Variants in CCDC61 observed in about 807,000 individuals in gnomAD.
The protein encoded by CCDC61 is centrosomal protein CCDC61.
In CCDC61, 55 loss-of-function variants were observed where a neutral mutation model predicts 63.0. That is an observed-to-expected ratio of 0.87 (90% confidence interval 0.70 to 1.09). The LOEUF (loss-of-function observed/expected upper bound fraction) is 1.09, where lower values mean the gene tolerates loss of function less well. Among genes scored for constraint, CCDC61 ranks in the 50% least tolerant of loss-of-function variants. The probability of loss-of-function intolerance (pLI) is 0.00; values close to 1 mark genes in which losing one functional copy is unlikely to be tolerated. For synonymous variants in CCDC61, 270 were observed against 317.0 expected, an observed-to-expected ratio of 0.85 and a Z score of 1.58; for missense variants, 651 against 731.4, an observed-to-expected ratio of 0.89 and a Z score of 1.27.
chr19:46,005,573 C>T (rs1968690340), intron 3 of CCDC61, among the ~76,000 whole-genome samples: 1 of 151,966 alleles, frequency 6.6e-6, no homozygotes, highest in Non-Finnish European at 1.5e-5. Flanking sequence ...TCACCGATTT[C>T]CCCAGGAAAG....
At chr19:46,010,503 CAGG>C (rs903506890) in intron 5 of CCDC61, among the ~76,000 whole-genome samples, 3 of 152,204 alleles carry the variant, frequency 2.0e-5, no homozygotes, top group Admixed American at 6.5e-5. Flanking sequence ...TCGTTCTTGC[CAGG>C]AGAAGAGGGA....
At chr19:45,996,064 C>T (rs544674682) in intron 1 of CCDC61, among the ~76,000 whole-genome samples, 1 of 152,308 alleles carries the variant, frequency 6.6e-6, no homozygotes, top group South Asian at 2.1e-4. Context: ...GCTCTGGCGT[C>T]GGGTTGAATC....
Position 46,016,750 on chromosome 19 carries a change from C to A in CCDC61, c.1148C>A (p.Ser383Tyr). 6.3e-7 allele frequency: 1 copy of A among 1,599,048 alleles called. No individual in the cohort carries two copies. The highest frequency in any genetic ancestry group is 1.1e-5 in the South Asian group (1 of 88,550). Residue 383 changes from serine (S) to tyrosine (Y), a missense_variant, in exon 10 of 14, where the codon TCC (serine) becomes TAC (tyrosine). Transcript: ENST00000595358. This position sits in a 1 kb window ranked among gnomAD's most constrained non-coding sequence, Gnocchi z 7.2. The stretch of plus-strand genomic sequence containing the variant: ...GGAAGCGGGGACGGTCCGTCCGTCT[C>A]CTGGTCTCGCCAGACCCAGCCCCCT... Reference protein sequence around the residue: ...SGGSGDGPSVSWSRQTQPPAA... With the variant: ...SGGSGDGPSVYWSRQTQPPAA...
intron 1 of CCDC61, among the ~76,000 whole-genome samples, chr19:45,997,155 T>C (rs1968508729): frequency 6.6e-6 from 1 of 152,148 alleles, no homozygotes; most frequent in Admixed American, 6.6e-5. Context: ...TTGTACTCGC[T>C]GTCCCTGAAC....
rs775329854 is a variant in CCDC61, at chr19:46,008,211, C to T, written c.461C>T (p.Ser154Leu). The T allele has an allele frequency of 4.3e-6, 7 of 1,613,046 alleles. No homozygotes were observed. In the South Asian group the frequency reaches 7.7e-5, roughly 18 times the overall value. The part of the protein sequence containing the change: ...DPVVLQGIIR[S>L]LKEELGRLQG... ...GTGGTTCTGCAGGGCATCATCCGGT[C>T]ACTGAAGGAGGAACTGGGCCGCCTG... Residue 154 changes from serine (S) to leucine (L), a missense_variant, in exon 5 of 14, where the codon TCA (serine) becomes TTA (leucine). Transcript: ENST00000595358.
chr19:46,014,936 T>G, intron 5 of CCDC61, 113 bp from the exon 6 acceptor site: 8 of 889,548 alleles, frequency 9.0e-6, no homozygotes, highest in South Asian at 1.8e-5. Context: ...TTGAGACTGA[T>G]GAGCCGTGTA....
rs1968914739 is a variant in CCDC61 at position 46,015,536 on chromosome 19, G to GGGCGGGGCTGAAGGGGA, written c.845+119_845+135dup. The GGGCGGGGCTGAAGGGGA allele has an allele frequency of 1.4e-6, 1 of 740,436 alleles. No individual in the cohort carries two copies. Among genetic ancestry groups the GGGCGGGGCTGAAGGGGA allele is most frequent in the African/African-American group, 1.8e-5 (1 of 55,116 alleles). The allele number at this position is 740,436 out of a possible 1,614,324, so 45.9% of individuals were successfully genotyped here. Reference sequence around the variant, plus strand: ...GGGGCGGGGCCAGGTAGGGTGGAGGGGGCGGGGCTGAAGGGGAGGCGGGGC... The same window carrying GGGCGGGGCTGAAGGGGA: ...GGGGCGGGGCCAGGTAGGGTGGAGGGGGCGGGGCTGAAGGGGAGGCGGGGCTGAAGGGGAGGCGGGGC... On this transcript the variant is annotated intron_variant, in intron 7 of 13. Coordinates refer to ENST00000595358, the MANE Select transcript of CCDC61 (RefSeq NM_001267723.2). The surrounding 1 kb of genome is among the most constrained non-coding windows in gnomAD (Gnocchi z 5.3).
At chr19:45,996,951 A>C (rs34940607) in intron 1 of CCDC61, among the ~76,000 whole-genome samples, 4 of 151,740 alleles carry the variant, frequency 2.6e-5, no homozygotes, top group African/African-American at 9.7e-5. Context: ...TCTCCTTTCA[A>C]ACCCTCTCCT....
chr19:46,014,779 C>T (rs761056114), intron 5 of CCDC61, among the ~76,000 whole-genome samples: 1 of 152,160 alleles, frequency 6.6e-6, no homozygotes, highest in African/African-American at 2.4e-5. Context: ...ACTCCTTCAC[C>T]CGCACCAGGG....
At chr19:46,001,471 T>G (rs1968590583) in intron 1 of CCDC61, among the ~76,000 whole-genome samples, 1 of 152,106 alleles carries the variant, frequency 6.6e-6, no homozygotes, top group Non-Finnish European at 1.5e-5. Context: ...TGATCCACCC[T>G]CCTCGGCCTC....
rs1277927735 is a variant in CCDC61, at chr19:46,018,276, AC to A, written c.1442-12del. The A allele has an allele frequency of 6.4e-7, 1 of 1,560,378 alleles. No homozygotes were observed. Among genetic ancestry groups the A allele is most frequent in the African/African-American group, 1.4e-5 (1 of 73,316 alleles). On this transcript the variant is annotated splice_polypyrimidine_tract_variant and intron_variant, in intron 13 of 13. Transcript: ENST00000595358. This position sits in a 1 kb window ranked among gnomAD's most constrained non-coding sequence, Gnocchi z 4.2. ...GGCCCCTCACAGCCCCCATACCCAC[AC>A]CTGCTCTCACAGAGTACAGCTCGGA... is the stretch of plus-strand genomic sequence containing the variant.
chr19:46,008,672 G>C (rs1968765858), intron 5 of CCDC61, among the ~76,000 whole-genome samples: 1 of 152,216 alleles, frequency 6.6e-6, no homozygotes, highest in African/African-American at 2.4e-5. Flanking sequence ...GCCTCCCAAA[G>C]TGCTGGGATT....
In CCDC61 at chr19:46,016,533, C is replaced by G; in HGVS notation, c.1091+140C>G. On this transcript the variant is annotated intron_variant, in intron 9 of 13. Coordinates refer to ENST00000595358, the MANE Select transcript of CCDC61 (RefSeq NM_001267723.2). This position sits in a 1 kb window ranked among gnomAD's most constrained non-coding sequence, Gnocchi z 7.2. Reference sequence around the variant, plus strand: ...CCGGATACCCCGCCTGCTCTCCCTTCCGTCCGTCCTACCTCCTCGTCTGTG... The same window carrying G: ...CCGGATACCCCGCCTGCTCTCCCTTGCGTCCGTCCTACCTCCTCGTCTGTG... 1 of 1,370,902 alleles carries G rather than the reference C, an allele frequency of 7.3e-7. No homozygotes were observed. Among genetic ancestry groups the G allele is most frequent in the Non-Finnish European group, 1.0e-6 (1 of 993,414 alleles). 84.9% of individuals were successfully genotyped at this position (1,370,902 alleles called of 1,614,324 possible).
intron 4 of CCDC61, among the ~76,000 whole-genome samples, chr19:46,007,552 A>G (rs1308310631): frequency 9.2e-5 from 14 of 152,198 alleles, no homozygotes; most frequent in Admixed American, 9.2e-4. Flanking sequence ...AGGTGGTCAC[A>G]TGCAAGGGAT....
chr19:46,008,544 G>A lies in CCDC61; in HGVS notation c.551+243G>A, dbSNP rs1443026280. Reference sequence around the variant, plus strand: ...CTGTCTCAGCCTCCCAAGTAGCTGGGATTACAGGCACGCGCCACCATGTCC... The same window carrying A: ...CTGTCTCAGCCTCCCAAGTAGCTGGAATTACAGGCACGCGCCACCATGTCC... On this transcript the variant is annotated intron_variant, in intron 5 of 13. Coordinates refer to ENST00000595358, the MANE Select transcript of CCDC61 (RefSeq NM_001267723.2). Among the ~76,000 whole-genome samples the A allele has an allele frequency of 4.6e-5, 7 of 152,316 alleles. 1 individual carries two copies. The highest frequency in any genetic ancestry group is 6.8e-3 in the Middle Eastern group (2 of 294).
At chr19:46,001,056 C>T (rs1332942827) in intron 1 of CCDC61, among the ~76,000 whole-genome samples, 2 of 150,872 alleles carry the variant, frequency 1.3e-5, no homozygotes, top group Non-Finnish European at 3.0e-5. Context: ...GCCTTGGTAA[C>T]CCGGACGGTG....
intron 1 of CCDC61, among the ~76,000 whole-genome samples, chr19:46,001,018 G>C (rs913318899): frequency 4.6e-5 from 7 of 151,582 alleles, no homozygotes; most frequent in Non-Finnish European, 1.0e-4. Flanking sequence ...CGGCTCCTCA[G>C]GTGTTCAGTT....
At chr19:46,003,286 G>C (rs1002632156) in intron 2 of CCDC61, 120 bp downstream of exon 2, 1 of 1,431,758 alleles carries the variant, frequency 7.0e-7, no homozygotes, top group Non-Finnish European at 9.5e-7. Context: ...AAACTCTCCA[G>C]TGTGGGGAGG....
chr19:46,004,543 C>T (rs1246796918), intron 3 of CCDC61, among the ~76,000 whole-genome samples: 1 of 152,184 alleles, frequency 6.6e-6, no homozygotes. Context: ...CAACTCACTG[C>T]AATCTCTGCC....
Sources: gnomAD v4.1 joint callset for allele counts (sites outside exome capture counted in the v4.1 genomes callset) on GRCh38, gnomAD v4.1.1 for gene constraint, Gnocchi (gnomAD v3.1) non-coding constraint, MANE v1.5 for transcripts, NCBI Gene and HGNC (gene_info 2026-07-23, HGNC 2026-07-21) for gene names.